IKBKB: variants seen among roughly 807,000 people sequenced by gnomAD.
The protein encoded by IKBKB is inhibitor of nuclear factor kappa-B kinase subunit beta.
A neutral mutation model predicts 113.6 loss-of-function variants in IKBKB; 42 were observed. The observed-to-expected ratio is 0.37, with a 90% CI of 0.29 to 0.48. The LOEUF (loss-of-function observed/expected upper bound fraction) is 0.48, where lower values mean the gene tolerates loss of function less well. Ranked by LOEUF, IKBKB falls within the 20% of genes least tolerant of loss-of-function variation. The pLI is 0.99. For missense variants in IKBKB, 673 were observed against 939.7 expected (o/e 0.72, Z 3.71); for synonymous variants, 296 against 361.3 (o/e 0.82, Z 2.05).
At chr8:42,321,799 C>A in intron 16 of IKBKB, 97 bp from the exon 17 acceptor site, 1 of 828,560 alleles carries the variant, frequency 1.2e-6, no homozygotes, top group South Asian at 1.8e-5. Flanking sequence ...TCGAGACCAG[C>A]CTGGGCAACA....
intron 20 of IKBKB, 100 bp downstream of exon 20, chr8:42,326,197 T>G (rs1820707757): frequency 7.2e-7 from 1 of 1,394,504 alleles, no homozygotes; most frequent in Non-Finnish European, 9.8e-7. Context: ...CTGATGGTAT[T>G]ACCACCTCTC....
At chr8:42,326,245 A>G in intron 20 of IKBKB, 148 bp downstream of exon 20, 1 of 913,816 alleles carries the variant, frequency 1.1e-6, no homozygotes, top group East Asian at 2.7e-5. Context: ...TGTGGGGACA[A>G]AAGTGATACA....
rs913125552 is a variant in IKBKB, at chr8:42,317,360, G to A, written c.1126-297G>A. The A allele has an allele frequency of 1.3e-5, 6 of 458,458 alleles. No individual in the cohort carries two copies. The Admixed American group carries it at 1.7e-4, about 13-fold the overall frequency. 28.4% of individuals were successfully genotyped at this position (458,458 alleles called of 1,614,324 possible). On this transcript the variant is annotated intron_variant, in intron 11 of 21. Coordinates refer to ENST00000520810, the MANE Select transcript of IKBKB (RefSeq NM_001556.3). ...TCAAAAAGACCTTCTCAGCTGACTT[G>A]TGGAGCTAAAGTTATCATATGAGAA...
At chr8:42,303,054 CGAGAGG>C (rs1183101474) in intron 5 of IKBKB, among the ~76,000 whole-genome samples, 1 of 116,232 alleles carries the variant, frequency 8.6e-6, no homozygotes, top group Non-Finnish European at 1.7e-5. Context: ...CCCGGCTTGC[CGAGAGG>C]GAGAGAGAGA....
intron 20 of IKBKB, among the ~76,000 whole-genome samples, chr8:42,327,896 C>T (rs577921436): frequency 0.026 from 860 of 32,676 alleles, 134 homozygotes; most frequent in African/African-American, 0.039. Flanking sequence ...CTGCAAGCTC[C>T]GCTTCCCGGG....
chr8:42,308,304 C>CTTTTT (rs71548577), intron 7 of IKBKB, among the ~76,000 whole-genome samples: 1 of 115,638 alleles, frequency 8.6e-6, no homozygotes, highest in African/African-American at 3.4e-5. Context: ...TTCTTTCTTT[C>CTTTTT]TTTTTTTTTT....
At position 42,322,173 on chromosome 8, in the gene IKBKB, T is replaced by A. The variant is rs1319905637; in HGVS notation, c.1838+20T>A. The A allele has an allele frequency of 1.2e-6, 2 of 1,602,578 alleles. No individual in the cohort carries two copies. Among genetic ancestry groups the A allele is most frequent in the Admixed American group, 3.3e-5 (2 of 59,966 alleles). ...GCTCAGGTATGAGCCCCGACCTTCC[T>A]GCTCTGGAGGAAGGACTGGGAGATG... is the stretch of plus-strand genomic sequence containing the variant. On this transcript the variant is annotated intron_variant, in intron 18 of 21. Transcript: ENST00000520810.
chr8:42,331,591 A>C lies in IKBKB; in HGVS notation c.*612A>C. On this transcript the variant is annotated 3_prime_UTR_variant, in exon 22 of 22. Transcript: ENST00000520810. ...CCTCTTTTTATTTCACTGCTGCTAA[A>C]ATTGTGTTTTTACCTACTACTTTGG... is the stretch of plus-strand genomic sequence containing the variant. The C allele has an allele frequency of 1.7e-6, 1 of 595,776 alleles. No homozygotes were observed. The allele number at this position is 595,776 out of a possible 1,614,324, so 36.9% of individuals were successfully genotyped here.
intron 4 of IKBKB, among the ~76,000 whole-genome samples, chr8:42,290,793 C>G (rs188401919): frequency 6.6e-6 from 1 of 152,166 alleles, no homozygotes; most frequent in Non-Finnish European, 1.5e-5. Context: ...ATCCACCTGA[C>G]CCACCTGGAC....
intron 2 of IKBKB, among the ~76,000 whole-genome samples, chr8:42,284,925 C>G (rs201461409): frequency 6.9e-6 from 1 of 144,106 alleles, no homozygotes; most frequent in East Asian, 2.1e-4. Context: ...GGCACGATCT[C>G]GGTTCACTGC....
intron 2 of IKBKB, among the ~76,000 whole-genome samples, chr8:42,273,469 C>T (rs2130005484): frequency 6.6e-6 from 1 of 151,332 alleles, no homozygotes; most frequent in African/African-American, 2.4e-5. Context: ...TGATGTCTTC[C>T]CAGTATTGCT....
At chr8:42,323,270 C>T (rs1820115078) in intron 19 of IKBKB, among the ~76,000 whole-genome samples, 1 of 152,226 alleles carries the variant, frequency 6.6e-6, no homozygotes, top group South Asian at 2.1e-4. Context: ...TTAGGGCCAC[C>T]AATTCAGCCC....
chr8:42,297,355 T>G (rs1314824234), intron 5 of IKBKB, among the ~76,000 whole-genome samples: 1 of 152,176 alleles, frequency 6.6e-6, no homozygotes, highest in Non-Finnish European at 1.5e-5. Context: ...CACATTTCCT[T>G]TGTTGGAGTT....
At position 42,317,909 on chromosome 8, in the gene IKBKB, T is replaced by C; in HGVS notation, c.1240+138T>C. The C allele has an allele frequency of 4.5e-6, 3 of 671,058 alleles. No homozygotes were observed. The African/African-American group carries it at 5.4e-5, about 12-fold the overall frequency. The allele number at this position is 671,058 out of a possible 1,614,324, so 41.6% of individuals were successfully genotyped here. A position where few individuals can be genotyped will look rare whatever the true frequency, so the allele number is the denominator to read the frequency against. On this transcript the variant is annotated intron_variant, in intron 12 of 21. Transcript: ENST00000520810. ...CGCCAGTCCTCAGGGCAGCCTTCCTTATTTAGGACATGCAAGGAGTAGCCA... is the reference window on the plus strand; with the variant it reads ...CGCCAGTCCTCAGGGCAGCCTTCCTCATTTAGGACATGCAAGGAGTAGCCA...
At chr8:42,292,873 G>T (rs529963912) in intron 4 of IKBKB, among the ~76,000 whole-genome samples, 1 of 152,290 alleles carries the variant, frequency 6.6e-6, no homozygotes, top group African/African-American at 2.4e-5. Context: ...CCTCCAACAC[G>T]GGGATTCCAC....
intron 8 of IKBKB, chr8:42,309,328 C>T (rs1372251487): frequency 1.1e-5 from 5 of 439,442 alleles, no homozygotes; most frequent in East Asian, 4.6e-5. Flanking sequence ...TGAATATACG[C>T]ACTTACACTG....
chr8:42,319,494 T>C, intron 14 of IKBKB, 73 bp downstream of exon 14: 1 of 1,599,658 alleles, frequency 6.3e-7, no homozygotes, highest in Admixed American at 1.7e-5. Flanking sequence ...GTTTCTTTTG[T>C]CCTATTATAA....
chr8:42,296,786 A>T (rs1299524895), intron 5 of IKBKB, among the ~76,000 whole-genome samples: 1 of 152,188 alleles, frequency 6.6e-6, no homozygotes, highest in Non-Finnish European at 1.5e-5. Context: ...TCCTTTGCTT[A>T]TTAGCAGTGT....
At chr8:42,292,672 T>C (rs1377016692) in intron 4 of IKBKB, among the ~76,000 whole-genome samples, 1 of 152,080 alleles carries the variant, frequency 6.6e-6, no homozygotes, top group African/African-American at 2.4e-5. Flanking sequence ...GATGGGAAGC[T>C]CCTCTCTCCG....
Sources: allele counts gnomAD v4.1 joint callset (sites outside exome capture counted in the v4.1 genomes callset), GRCh38; gene constraint gnomAD v4.1.1; transcripts MANE v1.5; gene names NCBI Gene and HGNC (gene_info 2026-07-23, HGNC 2026-07-21).